The following STK32B variants were observed in gnomAD, a reference collection of about 807,000 sequenced individuals.
STK32B encodes serine/threonine-protein kinase 32B.
STK32B carries 43 observed loss-of-function variants against 52.6 expected under a neutral mutation model. The ratio of observed to expected loss-of-function variants is 0.82; its 90% CI spans 0.64 to 1.05. The LOEUF (loss-of-function observed/expected upper bound fraction) is 1.05, where lower values mean the gene tolerates loss of function less well. Ranked by LOEUF, STK32B falls within the 50% of genes least tolerant of loss-of-function variation. The pLI is 0.00. For synonymous variants in STK32B, 238 were observed against 204.3 expected (o/e 1.17, Z -1.41); for missense variants, 621 against 534.6 (o/e 1.16, Z -1.59).
At chr4:5,210,145 T>G (rs185997289) in intron 3 of STK32B, among the ~76,000 whole-genome samples, 1 of 152,192 alleles carries the variant, frequency 6.6e-6, no homozygotes, top group African/African-American at 2.4e-5. Context: ...AACTAGCATC[T>G]TGTTACAAAG....
At chr4:5,454,348 C>A (rs772018760) in intron 7 of STK32B, among the ~76,000 whole-genome samples, 2 of 152,116 alleles carry the variant, frequency 1.3e-5, no homozygotes, top group Non-Finnish European at 2.9e-5. Context: ...GTTGGCAGGG[C>A]TTGTTCCTCC....
intron 4 of STK32B, among the ~76,000 whole-genome samples, chr4:5,359,787 G>A (rs10018874): frequency 0.011 from 1,717 of 152,278 alleles, 20 homozygotes; most frequent in South Asian, 0.058. Context: ...CAGGAACAGC[G>A]AGCAGACCAG....
intron 2 of STK32B, among the ~76,000 whole-genome samples, chr4:5,161,760 A>G (rs1299434291): frequency 6.6e-6 from 1 of 152,172 alleles, no homozygotes; most frequent in Non-Finnish European, 1.5e-5. Flanking sequence ...GTCTTCTTTC[A>G]GCGAATTATT....
At chr4:5,434,770 A>G (rs1039430865) in intron 6 of STK32B, among the ~76,000 whole-genome samples, 1 of 152,258 alleles carries the variant, frequency 6.6e-6, no homozygotes, top group Admixed American at 6.5e-5. Flanking sequence ...GTGCTCTCTA[A>G]ACATTAGCTT....
At chr4:5,206,216 T>G (rs948263636) in intron 3 of STK32B, among the ~76,000 whole-genome samples, 1 of 152,162 alleles carries the variant, frequency 6.6e-6, no homozygotes, top group African/African-American at 2.4e-5. Flanking sequence ...CCTTAGAAGC[T>G]AATGAAAGTG....
rs374795705 is a variant in STK32B, at chr4:5,373,183, C to T, written c.435-25024C>T. On this transcript the variant is annotated intron_variant, in intron 4 of 11. Coordinates refer to ENST00000282908, the MANE Select transcript of STK32B (RefSeq NM_018401.3). ...TTTCTAGGCACTCATGCATATAGCT[C>T]GCCCAGCTATATTAGGATTCTCCAG... 5.3e-5 allele frequency among the ~76,000 whole-genome samples: 8 copies of T among 152,138 alleles called. No individual in the cohort carries two copies. In the South Asian group the frequency reaches 6.2e-4, roughly 12 times the overall value.
chr4:5,110,005 A>G (rs939336100), intron 1 of STK32B, among the ~76,000 whole-genome samples: 6 of 134,290 alleles, frequency 4.5e-5, no homozygotes, highest in African/African-American at 1.5e-4. Flanking sequence ...CCCGTTTACA[A>G]TAGCCACAGA....
At chr4:5,181,012 G>A (rs1185729315) in intron 3 of STK32B, among the ~76,000 whole-genome samples, 3 of 152,162 alleles carry the variant, frequency 2.0e-5, no homozygotes, top group Admixed American at 2.0e-4. Flanking sequence ...TGTCCCATGA[G>A]TGGGAGCCCT....
chr4:5,391,327 C>T (rs1736585559), intron 4 of STK32B, among the ~76,000 whole-genome samples: 1 of 152,192 alleles, frequency 6.6e-6, no homozygotes, highest in Non-Finnish European at 1.5e-5. Context: ...AGGACAACTT[C>T]TGTTAACTTA....
rs567335615 is a variant in STK32B, at chr4:5,436,877, C to A, written c.563-9796C>A. Among the ~76,000 whole-genome samples, 23 of 152,260 alleles carry A rather than the reference C, an allele frequency of 1.5e-4. No individual in the cohort carries two copies. In the South Asian group the frequency reaches 3.7e-3, roughly 25 times the overall value. ...GAGAACACGATGAGTTTCAAGGGACCCTTCAGCCCTGCGATGTTGACATCT... is the reference window on the plus strand; with the variant it reads ...GAGAACACGATGAGTTTCAAGGGACACTTCAGCCCTGCGATGTTGACATCT... On this transcript the variant is annotated intron_variant, in intron 6 of 11. Transcript: ENST00000282908.
intron 3 of STK32B, among the ~76,000 whole-genome samples, chr4:5,246,916 C>T (rs1172642346): frequency 2.0e-5 from 3 of 152,188 alleles, no homozygotes; most frequent in Non-Finnish European, 4.4e-5. Flanking sequence ...ATGCTGCTGC[C>T]TGATCATTCC....
At chr4:5,452,376 A>C (rs929785095) in intron 7 of STK32B, among the ~76,000 whole-genome samples, 2 of 152,122 alleles carry the variant, frequency 1.3e-5, no homozygotes, top group Admixed American at 1.3e-4. Context: ...CTGGAGAAAC[A>C]GGACCAGGTA....
chr4:5,440,136 T>G (rs955486613), intron 6 of STK32B, among the ~76,000 whole-genome samples: 2 of 152,174 alleles, frequency 1.3e-5, no homozygotes, highest in African/African-American at 4.8e-5. Flanking sequence ...TCCAATTCTG[T>G]GAAGAAAGTC....
intron 5 of STK32B, among the ~76,000 whole-genome samples, chr4:5,408,700 C>G (rs1737837371): frequency 1.3e-5 from 2 of 152,076 alleles, no homozygotes; most frequent in Admixed American, 6.6e-5. Context: ...ATGCACTGTT[C>G]CCAGGACAGT....
chr4:5,421,280 C>T (rs1437345205), intron 6 of STK32B, among the ~76,000 whole-genome samples: 2 of 151,684 alleles, frequency 1.3e-5, no homozygotes, highest in Non-Finnish European at 2.9e-5. Context: ...TTAGTAGAGA[C>T]GGGGTTTCAC....
At chr4:5,348,032 A>G (rs1733582028) in intron 4 of STK32B, among the ~76,000 whole-genome samples, 1 of 152,208 alleles carries the variant, frequency 6.6e-6, no homozygotes, top group Non-Finnish European at 1.5e-5. Flanking sequence ...TCTAAGAGAG[A>G]ATACAGGAGT....
At chr4:5,075,749 T>C (rs972247812) in intron 1 of STK32B, among the ~76,000 whole-genome samples, 3 of 102,824 alleles carry the variant, frequency 2.9e-5, no homozygotes, top group African/African-American at 1.0e-4. Context: ...CAAGAACAGG[T>C]TTTTTTCTTT....
intron 3 of STK32B, among the ~76,000 whole-genome samples, chr4:5,320,816 G>A (rs1731438526): frequency 6.6e-6 from 1 of 152,174 alleles, no homozygotes; most frequent in Non-Finnish European, 1.5e-5. Flanking sequence ...TGTTTACATT[G>A]TATTTTAAGA....
At chr4:5,040,955 T>C in the STK32B span, among the ~76,000 whole-genome samples, 2 of 152,128 alleles carry the variant, frequency 1.3e-5, no homozygotes, top group Non-Finnish European at 2.9e-5. Context: ...TGCAGAAAAA[T>C]ACAGTAGTCT....
Sources: allele counts gnomAD v4.1 joint callset (sites outside exome capture counted in the v4.1 genomes callset), GRCh38; gene constraint gnomAD v4.1.1; transcripts MANE v1.5; gene names NCBI Gene and HGNC (gene_info 2026-07-23, HGNC 2026-07-21).